Variants in STXBP3 observed in about 807,000 individuals in gnomAD.
STXBP3 encodes the protein syntaxin binding protein 3.
STXBP3 carries 41 observed loss-of-function variants against 85.7 expected under a neutral mutation model. The observed-to-expected ratio is 0.48, with a 90% CI of 0.37 to 0.62. The LOEUF is 0.62. Ranked by LOEUF, STXBP3 falls within the 20% of genes least tolerant of loss-of-function variation. The pLI is 0.00. For missense variants in STXBP3, 563 were observed against 703.1 expected (o/e 0.80, Z 2.25); for synonymous variants, 229 against 231.7 (o/e 0.99, Z 0.10).
At chr1:108,778,738 T>C (rs1032142318) in intron 8 of STXBP3, among the ~76,000 whole-genome samples, 17 of 152,160 alleles carry the variant, frequency 1.1e-4, no homozygotes, top group African/African-American at 4.1e-4. Flanking sequence ...ATAGATATAG[T>C]GCAAACAAAA....
At chr1:108,784,120 A>G (rs2101125066) in intron 11 of STXBP3, among the ~76,000 whole-genome samples, 1 of 152,264 alleles carries the variant, frequency 6.6e-6, no homozygotes, top group African/African-American at 2.4e-5. Context: ...TATTTCTTTT[A>G]TACTTTCTCT....
chr1:108,796,703 C>G lies in STXBP3; in HGVS notation c.1333C>G (p.Leu445Val), dbSNP rs970813331. ...TGACATGATTCGTAACTGGAGTTAC[C>G]TTGGTGTTCCCATTGTTCCCCAAGT... is the stretch of plus-strand genomic sequence containing the variant. ...ESDMIRNWSY[L>V]GVPIVPQSQQ... is the part of the protein sequence containing the mutation. Residue 445 changes from leucine (L) to valine (V), a missense_variant, in exon 15 of 19, where the codon CTT becomes GTT. Physicochemically the swap from Leu to Val is conservative, Grantham distance 32. Around this residue, in one of 3 missense-constraint regions of STXBP3, gnomAD observed 494 missense variants for 592.8 expected, o/e 0.83. Transcript: ENST00000370008. The G allele has an allele frequency of 6.2e-7, 1 of 1,613,282 alleles. No individual in the cohort carries two copies.
chr1:108,794,367 C>A (rs1663044975), intron 12 of STXBP3, among the ~76,000 whole-genome samples: 1 of 152,160 alleles, frequency 6.6e-6, no homozygotes. Context: ...ATCTACATGG[C>A]TGGGAAGGCC....
chr1:108,790,218 T>TAA (rs1662947772), intron 11 of STXBP3, among the ~76,000 whole-genome samples: 1 of 152,210 alleles, frequency 6.6e-6, no homozygotes, highest in Admixed American at 6.5e-5. Flanking sequence ...TGTTTTTCTT[T>TAA]AGTCCTTTCA....
At chr1:108,797,354 A>T (rs1466531936) in intron 15 of STXBP3, among the ~76,000 whole-genome samples, 1 of 151,568 alleles carries the variant, frequency 6.6e-6, no homozygotes, top group African/African-American at 2.4e-5. Context: ...AAAAAAACAA[A>T]AAAAAAAGGC....
At chr1:108,756,956 A>C (rs953564759) in intron 4 of STXBP3, 190 bp downstream of exon 4, 4 of 377,010 alleles carry the variant, frequency 1.1e-5, no homozygotes, top group Admixed American at 4.5e-5. Flanking sequence ...TGTATAAGTA[A>C]AAGGATTCCT....
At chr1:108,750,453 T>G (rs1661875849) in intron 1 of STXBP3, among the ~76,000 whole-genome samples, 1 of 152,100 alleles carries the variant, frequency 6.6e-6, no homozygotes, top group Non-Finnish European at 1.5e-5. Flanking sequence ...TCATAACACT[T>G]CCAAATCTTC....
intron 1 of STXBP3, among the ~76,000 whole-genome samples, chr1:108,747,270 C>T (rs1196964413): frequency 6.6e-6 from 1 of 152,182 alleles, no homozygotes; most frequent in Non-Finnish European, 1.5e-5. Context: ...AGTATCAACC[C>T]GTGCTTTTCA....
chr1:108,780,630 A>G (rs1383516743), intron 9 of STXBP3: 2 of 150,620 alleles, frequency 1.3e-5, no homozygotes, highest in Non-Finnish European at 3.0e-5. Context: ...CGGCCTCCCA[A>G]AGTGCTGGGA....
At chr1:108,783,922 G>T (rs1208996285) in intron 11 of STXBP3, among the ~76,000 whole-genome samples, 1 of 152,020 alleles carries the variant, frequency 6.6e-6, no homozygotes, top group East Asian at 1.9e-4. Context: ...TGTGCATATT[G>T]GCCATTAGGA....
chr1:108,808,488 T>C (rs527777052), intron 18 of STXBP3, among the ~76,000 whole-genome samples: 34 of 152,360 alleles, frequency 2.2e-4, no homozygotes, highest in East Asian at 1.9e-3. Flanking sequence ...ATAACTGTTA[T>C]AGTGCTGAGG....
chr1:108,749,128 G>T (rs1382459995), intron 1 of STXBP3, among the ~76,000 whole-genome samples: 1 of 152,146 alleles, frequency 6.6e-6, no homozygotes, highest in Non-Finnish European at 1.5e-5. Context: ...TGAGAGAGAA[G>T]AATCAAGTCG....
intron 7 of STXBP3, among the ~76,000 whole-genome samples, chr1:108,776,114 A>G (rs1662585971): frequency 6.6e-6 from 1 of 152,160 alleles, no homozygotes; most frequent in Non-Finnish European, 1.5e-5. Flanking sequence ...TATATTAAAA[A>G]ATCTGAAGCA....
At chr1:108,794,985 G>T (rs1663060162) in intron 13 of STXBP3, 78 bp downstream of exon 13, 2 of 1,302,696 alleles carry the variant, frequency 1.5e-6, no homozygotes, top group Non-Finnish European at 1.1e-6. Flanking sequence ...CTAACTTTTT[G>T]CTTGATACAG....
chr1:108,764,559 GTTA>G (rs547933965), intron 6 of STXBP3, among the ~76,000 whole-genome samples: 1 of 152,098 alleles, frequency 6.6e-6, no homozygotes, highest in Non-Finnish European at 1.5e-5. Context: ...ACCAGCATAT[GTTA>G]TTTTTTGACT....
chr1:108,778,681 A>ATT (rs369895892), intron 8 of STXBP3, among the ~76,000 whole-genome samples: 1,040 of 70,802 alleles, frequency 0.015, 12 homozygotes, highest in African/African-American at 0.057. Flanking sequence ...AGTAGCTACT[A>ATT]TTCATAATTT....
intron 5 of STXBP3, 138 bp from the exon 6 acceptor site, chr1:108,759,847 A>G: frequency 1.8e-6 from 1 of 547,518 alleles, no homozygotes; most frequent in Non-Finnish European, 3.2e-6. Context: ...AAATAACAAT[A>G]TTTATATATT....
intron 5 of STXBP3, 113 bp from the exon 6 acceptor site, chr1:108,759,872 A>AATT (rs1311958552): frequency 6.0e-6 from 4 of 671,452 alleles, no homozygotes; most frequent in Admixed American, 3.0e-5. Context: ...ATGTCCTCAT[A>AATT]ATAACTGTGA....
At chr1:108,776,193 A>G (rs762150927) in intron 7 of STXBP3, 140 bp from the exon 8 acceptor site, 17 of 486,216 alleles carry the variant, frequency 3.5e-5, no homozygotes, top group Non-Finnish European at 3.8e-5. Context: ...CATTATCTGA[A>G]CTTTTACATG....
Sources: allele counts gnomAD v4.1 joint callset (sites outside exome capture counted in the v4.1 genomes callset), GRCh38; gene constraint gnomAD v4.1.1; regional missense constraint gnomAD v4.1.1; transcripts MANE v1.5; gene names NCBI Gene and HGNC (gene_info 2026-07-23, HGNC 2026-07-21).